The following DNAAF11 variants were observed in gnomAD, a reference collection of about 807,000 sequenced individuals.
The protein encoded by DNAAF11 is leucine rich repeat containing 6.
In DNAAF11, 45 loss-of-function variants were observed where a neutral mutation model predicts 60.8. The observed-to-expected ratio is 0.74, with a 90% CI of 0.58 to 0.95. The LOEUF is 0.95. Among genes scored for constraint, DNAAF11 ranks in the 40% least tolerant of loss-of-function variants. The pLI is 0.00. For missense variants in DNAAF11, 546 were observed against 546.2 expected (o/e 1.00, Z 0.00); for synonymous variants, 191 against 183.5 (o/e 1.04, Z -0.33).
At chr8:132,647,073 A>T (rs1383276964) in intron 3 of DNAAF11, among the ~76,000 whole-genome samples, 1 of 152,210 alleles carries the variant, frequency 6.6e-6, no homozygotes, top group East Asian at 1.9e-4. Context: ...CCTTATTCCA[A>T]AATTGACCAC....
At chr8:132,645,866 G>A (rs1822326859) in intron 3 of DNAAF11, among the ~76,000 whole-genome samples, 1 of 152,226 alleles carries the variant, frequency 6.6e-6, no homozygotes, top group Admixed American at 6.5e-5. Context: ...TCTGATTGGT[G>A]TACCTGAAAG....
At chr8:132,572,943 G>A (rs1251522825) in intron 11 of DNAAF11, among the ~76,000 whole-genome samples, 2 of 152,128 alleles carry the variant, frequency 1.3e-5, no homozygotes, top group Non-Finnish European at 2.9e-5. Flanking sequence ...TACACGGCAA[G>A]TTCAGGTGCA....
chr8:132,596,348 C>T (rs1268054241), intron 10 of DNAAF11, among the ~76,000 whole-genome samples: 1 of 152,142 alleles, frequency 6.6e-6, no homozygotes, highest in Non-Finnish European at 1.5e-5. Context: ...GAGAGCAAAT[C>T]TAACTATCAA....
At chr8:132,641,761 T>A (rs1159326255) in intron 3 of DNAAF11, among the ~76,000 whole-genome samples, 1 of 152,186 alleles carries the variant, frequency 6.6e-6, no homozygotes, top group Non-Finnish European at 1.5e-5. Flanking sequence ...TAAGTATAAT[T>A]ACATGATATA....
the DNAAF11 span, among the ~76,000 whole-genome samples, chr8:132,694,683 G>C: frequency 1.3e-5 from 2 of 152,294 alleles, no homozygotes. Flanking sequence ...TGGAGGAAGT[G>C]GGAACTACAA....
intron 3 of DNAAF11, among the ~76,000 whole-genome samples, chr8:132,650,729 C>A (rs1364076967): frequency 1.3e-5 from 2 of 152,088 alleles, no homozygotes; most frequent in African/African-American, 4.8e-5. Flanking sequence ...TTGGGGTAAT[C>A]TGACTTAAGA....
intron 10 of DNAAF11, among the ~76,000 whole-genome samples, chr8:132,609,616 C>CCTCT (rs1292956138): frequency 2.0e-5 from 3 of 152,070 alleles, no homozygotes; most frequent in Non-Finnish European, 4.4e-5. Context: ...TTTCTCTGAT[C>CCTCT]CTCTGTCTTT....
At chr8:132,580,951 T>G (rs1419826253) in intron 11 of DNAAF11, among the ~76,000 whole-genome samples, 1 of 152,136 alleles carries the variant, frequency 6.6e-6, no homozygotes, top group East Asian at 1.9e-4. Flanking sequence ...CATAAGACTA[T>G]GGAAATTAAG....
At chr8:132,627,406 A>T (rs1001796654) in intron 5 of DNAAF11, among the ~76,000 whole-genome samples, 1 of 152,202 alleles carries the variant, frequency 6.6e-6, no homozygotes, top group African/African-American at 2.4e-5. Flanking sequence ...GAGTGAGCTC[A>T]TTAGTGTATG....
chr8:132,697,500 C>T, the DNAAF11 span, among the ~76,000 whole-genome samples: 1 of 151,948 alleles, frequency 6.6e-6, no homozygotes, highest in African/African-American at 2.4e-5. Flanking sequence ...CACCTGTAAT[C>T]CCCGCTGCTT....
At chr8:132,577,953 C>T (rs1280854535) in intron 11 of DNAAF11, among the ~76,000 whole-genome samples, 4 of 152,152 alleles carry the variant, frequency 2.6e-5, no homozygotes, top group Non-Finnish European at 4.4e-5. Context: ...GGATGTGAGC[C>T]ACCATGCCTG....
At chr8:132,625,549 T>C (rs753929657) in intron 5 of DNAAF11, 95 bp from the exon 6 acceptor site, 40 of 922,644 alleles carry the variant, frequency 4.3e-5, no homozygotes, top group Non-Finnish European at 6.2e-5. Context: ...TTTTCTTATG[T>C]GATCTTCTTA....
chr8:132,639,360 G>A (rs1439068305), intron 3 of DNAAF11, among the ~76,000 whole-genome samples: 2 of 152,142 alleles, frequency 1.3e-5, no homozygotes, highest in Non-Finnish European at 2.9e-5. Flanking sequence ...GCCTTCCCCA[G>A]CTAATACCCC....
intron 1 of DNAAF11, among the ~76,000 whole-genome samples, chr8:132,665,781 A>G (rs1824567526): frequency 6.6e-6 from 1 of 152,216 alleles, no homozygotes; most frequent in African/African-American, 2.4e-5. Flanking sequence ...CATTCAATCA[A>G]AAAGACACCT....
At chr8:132,612,116 C>T (rs184518988) in intron 8 of DNAAF11, among the ~76,000 whole-genome samples, 1 of 152,258 alleles carries the variant, frequency 6.6e-6, no homozygotes, top group Non-Finnish European at 1.5e-5. Context: ...TTGTGGGGAA[C>T]TGGCTCCATG....
At chr8:132,692,146 C>T in the DNAAF11 span, among the ~76,000 whole-genome samples, 1 of 144,268 alleles carries the variant, frequency 6.9e-6, no homozygotes, top group Non-Finnish European at 1.5e-5. Context: ...TACTGTTTTA[C>T]GGAAGTAGTG....
intron 1 of DNAAF11, among the ~76,000 whole-genome samples, chr8:132,671,212 A>AG (rs1825156996): frequency 3.3e-5 from 5 of 152,194 alleles, no homozygotes. Context: ...TTGAATAAGA[A>AG]AGTTTGAAAA....
At chr8:132,573,434 AT>A (rs1477512778) in intron 11 of DNAAF11, among the ~76,000 whole-genome samples, 1 of 152,176 alleles carries the variant, frequency 6.6e-6, no homozygotes, top group African/African-American at 2.4e-5. Flanking sequence ...CACAGAATTA[AT>A]GACACTCTCA....
intron 3 of DNAAF11, among the ~76,000 whole-genome samples, chr8:132,652,948 A>T (rs79830439): frequency 4.9e-4 from 74 of 152,330 alleles, no homozygotes; most frequent in African/African-American, 1.8e-3. Context: ...ATAAAAAAAA[A>T]GTACGGCCAA....
Sources: gnomAD v4.1 joint callset for allele counts (sites outside exome capture counted in the v4.1 genomes callset) on GRCh38, gnomAD v4.1.1 for gene constraint, MANE v1.5 for transcripts, NCBI Gene and HGNC (gene_info 2026-07-23, HGNC 2026-07-21) for gene names.